Variants in MTG1 observed in about 807,000 individuals in gnomAD.
MTG1 encodes the protein mitochondrial ribosome-associated GTPase 1.
In MTG1, 30 loss-of-function variants were observed where a neutral mutation model predicts 39.5. The ratio of observed to expected loss-of-function variants is 0.76; its 90% CI spans 0.57 to 1.03. MTG1 has a LOEUF of 1.03. Among genes scored for constraint, MTG1 ranks in the 50% least tolerant of loss-of-function variants. The pLI is 0.00. For synonymous variants in MTG1, 217 were observed against 179.0 expected (o/e 1.21, Z -1.69); for missense variants, 513 against 447.4 (o/e 1.15, Z -1.32).
rs777998053 is a variant in MTG1 at position 133,420,018 on chromosome 10, TC to T, written c.866-3del. Reference sequence around the variant, plus strand: ...GCTCCTTCCTCACTGAACCCTCCCGTCCCCCAGGTAACGTGAACATTATTCA... The same window carrying T: ...GCTCCTTCCTCACTGAACCCTCCCGTCCCCAGGTAACGTGAACATTATTCA... On this transcript the variant is annotated splice_region_variant and splice_polypyrimidine_tract_variant and intron_variant, in intron 10 of 10. Transcript: ENST00000317502. 8.1e-6 allele frequency: 13 copies of T among 1,602,852 alleles called. No individual in the cohort carries two copies. Among genetic ancestry groups the T allele is most frequent in the Non-Finnish European group, 1.1e-5 (13 of 1,173,360 alleles).
chr10:133,416,747 G>C (rs572508586), intron 9 of MTG1, among the ~76,000 whole-genome samples: 1 of 146,286 alleles, frequency 6.8e-6, no homozygotes, highest in East Asian at 2.0e-4. Context: ...CATTTTTTAT[G>C]GCTGCATAGT....
chr10:133,398,382 A>G (rs1305218295), intron 3 of MTG1, 53 bp from the exon 4 acceptor site: 2 of 1,574,274 alleles, frequency 1.3e-6, no homozygotes, highest in Admixed American at 1.7e-5. Context: ...CCTGGGTGAC[A>G]GAGCCAAGAC....
chr10:133,394,233 C>G lies in MTG1; in HGVS notation c.13C>G (p.Pro5Ala). 1 of 1,517,020 alleles carries G rather than the reference C, an allele frequency of 6.6e-7. No individual in the cohort carries two copies. The highest frequency in any genetic ancestry group is 1.2e-5 in the South Asian group (1 of 82,200). 94.0% of individuals were successfully genotyped at this position (1,517,020 alleles called of 1,614,324 possible). A position where few individuals can be genotyped will look rare whatever the true frequency, so the allele number is the denominator to read the frequency against. Residue 5 changes from proline (P) to alanine (A), a missense_variant, in exon 1 of 11, where the codon CCG (proline) becomes GCG (alanine). Physicochemically the swap from Pro to Ala is conservative, Grantham distance 27. Transcript: ENST00000317502. ...GGACGGTGCCGCCATGAGATTGACC[C>G]CGCGCGCGCTGTGCAGCGCCGCCCA... MRLT[P>A]RALCSAAQAA...
Position 133,399,539 on chromosome 10 carries a change from A to G in MTG1, c.431A>G (p.Tyr144Cys). The G allele has an allele frequency of 6.2e-7, 1 of 1,614,130 alleles. No individual in the cohort carries two copies. The highest frequency in any genetic ancestry group is 8.5e-7 in the Non-Finnish European group (1 of 1,179,982). Residue 144 changes from tyrosine (Y) to cysteine (C), a missense_variant, in exon 6 of 11, where the codon TAC (tyrosine) becomes TGC (cysteine). Physicochemically the swap from Tyr to Cys is radical, Grantham distance 194. Coordinates refer to ENST00000317502, the MANE Select transcript of MTG1 (RefSeq NM_138384.4). Reference protein sequence around the residue: ...HRYHRKENLEYCIMVIGVPNV... With the variant: ...HRYHRKENLECCIMVIGVPNV... ...TCTCTGCCTGCGCAGAACCTGGAGTACTGTATCATGGTCATTGGGGTCCCC... is the reference window on the plus strand; with the variant it reads ...TCTCTGCCTGCGCAGAACCTGGAGTGCTGTATCATGGTCATTGGGGTCCCC...
intron 9 of MTG1, among the ~76,000 whole-genome samples, chr10:133,413,682 T>C (rs925898572): frequency 1.9e-4 from 29 of 152,244 alleles, no homozygotes; most frequent in African/African-American, 7.0e-4. Flanking sequence ...TTAGGGTGTA[T>C]AGTATGTCTT....
intron 1 of MTG1, 73 bp from the exon 2 acceptor site, chr10:133,395,640 G>A: frequency 7.1e-7 from 1 of 1,412,072 alleles, no homozygotes. Flanking sequence ...TGTCATTCTG[G>A]ACGGTTCAGC....
At chr10:133,394,368 C>G in intron 1 of MTG1, 36 bp downstream of exon 1, 1 of 1,427,496 alleles carries the variant, frequency 7.0e-7, no homozygotes, top group Non-Finnish European at 9.2e-7. Flanking sequence ...GTCATGCCTA[C>G]GGCCGCGGCG....
At chr10:133,397,712 T>G (rs1246340737) in intron 3 of MTG1, among the ~76,000 whole-genome samples, 1 of 151,604 alleles carries the variant, frequency 6.6e-6, no homozygotes, top group Non-Finnish European at 1.5e-5. Context: ...TCTCCTGACC[T>G]CATGATCCGC....
At chr10:133,399,372 C>A in intron 5 of MTG1, 146 bp downstream of exon 5, 1 of 1,195,976 alleles carries the variant, frequency 8.4e-7, no homozygotes, top group Non-Finnish European at 1.2e-6. Flanking sequence ...GTGGAAAGGG[C>A]CGAGGCCGTC....
At position 133,398,656 on chromosome 10, in the gene MTG1, C is replaced by T. The variant is rs77791987; in HGVS notation, c.363+141C>T. 438 of 932,296 alleles carry T rather than the reference C, an allele frequency of 4.7e-4. 1 individual carries two copies. In the African/African-American group the frequency reaches 6.4e-3, roughly 14 times the overall value. 57.8% of individuals were successfully genotyped at this position (932,296 alleles called of 1,614,324 possible). ...GGTTTCCAGCTGCCACACACGGATG[C>T]GATCTCCTGGGGCAAGTGGGTCTCC... is the stretch of plus-strand genomic sequence containing the variant. On this transcript the variant is annotated intron_variant, in intron 4 of 10. Coordinates refer to ENST00000317502, the MANE Select transcript of MTG1 (RefSeq NM_138384.4).
At chr10:133,400,485 A>G (rs562024739) in intron 6 of MTG1, among the ~76,000 whole-genome samples, 1 of 152,276 alleles carries the variant, frequency 6.6e-6, no homozygotes, top group African/African-American at 2.4e-5. Context: ...TGTTGGCTTC[A>G]TTTTTCATAT....
At chr10:133,396,495 T>C (rs964790440) in intron 3 of MTG1, among the ~76,000 whole-genome samples, 8 of 152,224 alleles carry the variant, frequency 5.3e-5, no homozygotes, top group African/African-American at 1.9e-4. Context: ...GCACGTCTCC[T>C]GTGGGAAGTG....
At chr10:133,407,571 CTT>C (rs1159757820) in intron 9 of MTG1, among the ~76,000 whole-genome samples, 10 of 140,076 alleles carry the variant, frequency 7.1e-5, no homozygotes, top group East Asian at 2.1e-4. Context: ...TTCTTGATTT[CTT>C]TTTTTTTTTT....
At chr10:133,411,510 AATTAT>A (rs1850046145) in intron 9 of MTG1, among the ~76,000 whole-genome samples, 3 of 152,202 alleles carry the variant, frequency 2.0e-5, no homozygotes, top group Admixed American at 6.5e-5. Context: ...ATTTTTCTGT[AATTAT>A]TTCTTTGAAT....
At chr10:133,415,036 C>T (rs79367000) in intron 9 of MTG1, among the ~76,000 whole-genome samples, 99 of 152,320 alleles carry the variant, frequency 6.5e-4, no homozygotes, top group African/African-American at 2.2e-3. Flanking sequence ...CGTGGTGGCG[C>T]GCGCCTGCAA....
At chr10:133,395,230 C>T (rs551994343) in intron 1 of MTG1, among the ~76,000 whole-genome samples, 1 of 152,224 alleles carries the variant, frequency 6.6e-6, no homozygotes, top group Admixed American at 6.5e-5. Flanking sequence ...CGTGTCTCTA[C>T]TAAAAATACA....
rs1382327797 is a variant in MTG1 at position 133,420,391 on chromosome 10, C to T, written c.*226C>T. 9 of 456,166 alleles carry T rather than the reference C, an allele frequency of 2.0e-5. No homozygotes were observed. The highest frequency in any genetic ancestry group is 6.0e-5 in the African/African-American group (3 of 49,874). The allele number at this position is 456,166 out of a possible 1,614,324, so 28.3% of individuals were successfully genotyped here. A position where few individuals can be genotyped will look rare whatever the true frequency, so the allele number is the denominator to read the frequency against. Reference sequence around the variant, plus strand: ...CCCAGTGGACGTCCCTGAGCAGCTCCGCATGCTTGGTTCTCCCGGAGCTTC... The same window carrying T: ...CCCAGTGGACGTCCCTGAGCAGCTCTGCATGCTTGGTTCTCCCGGAGCTTC... On this transcript the variant is annotated 3_prime_UTR_variant, in exon 11 of 11. Transcript: ENST00000317502.
intron 3 of MTG1, among the ~76,000 whole-genome samples, chr10:133,397,256 G>A (rs1395237667): frequency 1.3e-5 from 2 of 152,030 alleles, no homozygotes; most frequent in Non-Finnish European, 2.9e-5. Context: ...CTCTGCCTTG[G>A]CTGCCAGGCA....
At chr10:133,413,918 C>CTTTTTTT (rs1285224313) in intron 9 of MTG1, among the ~76,000 whole-genome samples, 3 of 136,094 alleles carry the variant, frequency 2.2e-5, no homozygotes, top group African/African-American at 8.0e-5. Flanking sequence ...GTTTTCTTTT[C>CTTTTTTT]TTTTTTTTTT....
Sources: gnomAD v4.1 joint callset for allele counts (sites outside exome capture counted in the v4.1 genomes callset) on GRCh38, gnomAD v4.1.1 for gene constraint, MANE v1.5 for transcripts, NCBI Gene and HGNC (gene_info 2026-07-23, HGNC 2026-07-21) for gene names.